Variants in FBXO21 observed in about 807,000 individuals in gnomAD.
FBXO21 encodes the protein F-box only protein 21.
FBXO21 carries 32 observed loss-of-function variants against 76.6 expected under a neutral mutation model. The ratio of observed to expected loss-of-function variants is 0.42; its 90% CI spans 0.32 to 0.56. The LOEUF (loss-of-function observed/expected upper bound fraction) is 0.56, where lower values mean the gene tolerates loss of function less well. Ranked by LOEUF, FBXO21 falls within the 20% of genes least tolerant of loss-of-function variation. The pLI, the probability that FBXO21 is intolerant of heterozygous loss-of-function variation, is 0.16. For synonymous variants in FBXO21, 328 were observed against 311.5 expected, an observed-to-expected ratio of 1.05 and a Z score of -0.56; for missense variants, 586 against 797.3, an observed-to-expected ratio of 0.73 and a Z score of 3.19.
intron 7 of FBXO21, among the ~76,000 whole-genome samples, chr12:117,170,681 C>T (rs1050474902): frequency 1.3e-5 from 2 of 152,118 alleles, no homozygotes; most frequent in Admixed American, 6.6e-5. Flanking sequence ...TTTCATTGTT[C>T]ATTTGCATTA....
At chr12:117,177,677 AAACTTTCAG>A (rs1255103599) in intron 3 of FBXO21, 36 bp from the exon 4 acceptor site, 7 of 1,598,906 alleles carry the variant, frequency 4.4e-6, no homozygotes, top group Non-Finnish European at 6.0e-6. Context: ...TAAGATTTGA[AAACTTTCAG>A]TTATCTATTT....
chr12:117,180,343 C>T (rs147485246), intron 3 of FBXO21, among the ~76,000 whole-genome samples: 250 of 152,318 alleles, frequency 1.6e-3, no homozygotes, highest in African/African-American at 5.8e-3. Flanking sequence ...TTGATGTGCA[C>T]GTGTGTGTAC....
At chr12:117,152,041 C>A (rs1020061368) in intron 11 of FBXO21, among the ~76,000 whole-genome samples, 1 of 151,814 alleles carries the variant, frequency 6.6e-6, no homozygotes, top group Non-Finnish European at 1.5e-5. Context: ...GTGGGAAGCA[C>A]GGGGCGAGGG....
chr12:117,176,757 C>G (rs1269836751), intron 4 of FBXO21, among the ~76,000 whole-genome samples: 1 of 151,754 alleles, frequency 6.6e-6, no homozygotes, highest in Non-Finnish European at 1.5e-5. Flanking sequence ...ATAGCAAGAC[C>G]CCGTCTCTAA....
chr12:117,181,548 T>C (rs1011584964), intron 3 of FBXO21, among the ~76,000 whole-genome samples: 1 of 152,194 alleles, frequency 6.6e-6, no homozygotes, highest in South Asian at 2.1e-4. Flanking sequence ...TTTATATCTA[T>C]CTATCTATCT....
chr12:117,146,337 C>A, intron 11 of FBXO21, 60 bp from the exon 12 acceptor site: 1 of 1,432,236 alleles, frequency 7.0e-7, no homozygotes, highest in South Asian at 1.3e-5. Flanking sequence ...CCACACCTTT[C>A]ATCCAGAGAA....
intron 7 of FBXO21, among the ~76,000 whole-genome samples, chr12:117,171,895 G>C (rs1956121716): frequency 1.3e-5 from 2 of 152,112 alleles, no homozygotes; most frequent in Admixed American, 1.3e-4. Flanking sequence ...AGAGCACTAG[G>C]TTTAAAAAAG....
At chr12:117,148,879 C>T (rs1565994179) in intron 11 of FBXO21, among the ~76,000 whole-genome samples, 2 of 152,222 alleles carry the variant, frequency 1.3e-5, no homozygotes, top group Admixed American at 1.3e-4. Flanking sequence ...CCGAAGGAAA[C>T]TGAGTCATCC....
intron 8 of FBXO21, 137 bp downstream of exon 8, chr12:117,166,761 C>G: frequency 1.5e-6 from 1 of 649,810 alleles, no homozygotes; most frequent in East Asian, 2.5e-5. Flanking sequence ...AAGAATGTTT[C>G]CAGTACTCGC....
chr12:117,151,340 G>A (rs1004510311), intron 11 of FBXO21, among the ~76,000 whole-genome samples: 16 of 103,188 alleles, frequency 1.6e-4, no homozygotes, highest in Non-Finnish European at 3.6e-4. Flanking sequence ...ATCCCATTAG[G>A]GTTTAGGTGA....
At position 117,190,223 on chromosome 12, in the gene FBXO21, C is replaced by T; in HGVS notation, c.234G>A (p.Arg78=). Residue 78 remains arginine (R), a synonymous_variant, in exon 1 of 12, where the codon CGG becomes CGA. Transcript: ENST00000622495. ...GCGCGGGGCCGCTGGCTCACCTCAC[C>T]CGGAACTGCTCCTTCCACACCTTCC... ...SSGKVWKEQF[R]VRWPSLMKHY... 1 of 1,500,804 alleles carries T rather than the reference C, an allele frequency of 6.7e-7. No homozygotes were observed. Among genetic ancestry groups the T allele is most frequent in the Non-Finnish European group, 8.8e-7 (1 of 1,131,382 alleles). The allele number at this position is 1,500,804 out of a possible 1,614,324, so 93.0% of individuals were successfully genotyped here.
intron 9 of FBXO21, among the ~76,000 whole-genome samples, chr12:117,161,377 G>A (rs796313895): frequency 6.6e-6 from 1 of 152,066 alleles, no homozygotes; most frequent in East Asian, 1.9e-4. Flanking sequence ...CAGGCAAGCA[G>A]GGCCAGACCG....
chr12:117,179,646 T>C (rs1449564367), intron 3 of FBXO21, among the ~76,000 whole-genome samples: 1 of 152,242 alleles, frequency 6.6e-6, no homozygotes, highest in Non-Finnish European at 1.5e-5. Context: ...GATAATTTCA[T>C]AGAAGGTAGT....
At chr12:117,185,590 G>A (rs999146262) in intron 3 of FBXO21, among the ~76,000 whole-genome samples, 5 of 152,158 alleles carry the variant, frequency 3.3e-5, no homozygotes, top group African/African-American at 1.2e-4. Flanking sequence ...GAAATTTTAA[G>A]CAATAACCAA....
intron 9 of FBXO21, among the ~76,000 whole-genome samples, chr12:117,161,079 G>A (rs1435536114): frequency 6.6e-6 from 1 of 152,126 alleles, no homozygotes; most frequent in Non-Finnish European, 1.5e-5. Context: ...ACAGATGACG[G>A]AGCAGCAGCT....
intron 11 of FBXO21, among the ~76,000 whole-genome samples, chr12:117,151,364 G>C (rs12322862): frequency 6.6e-6 from 1 of 151,952 alleles, no homozygotes; most frequent in Non-Finnish European, 1.5e-5. Flanking sequence ...AGTACACACC[G>C]GGGAAAGAAT....
intron 5 of FBXO21, 47 bp downstream of exon 5, chr12:117,174,604 C>T (rs1025494260): frequency 1.3e-6 from 2 of 1,590,196 alleles, no homozygotes; most frequent in African/African-American, 1.4e-5. Context: ...ACCAATTCCT[C>T]TAGATTTTCT....
chr12:117,182,755 G>T (rs185197628), intron 3 of FBXO21, among the ~76,000 whole-genome samples: 1 of 151,738 alleles, frequency 6.6e-6, no homozygotes, highest in Non-Finnish European at 1.5e-5. Flanking sequence ...TAGAGGCAGG[G>T]TTTTACCATG....
At chr12:117,157,295 G>A (rs188425556) in intron 10 of FBXO21, among the ~76,000 whole-genome samples, 2 of 152,200 alleles carry the variant, frequency 1.3e-5, no homozygotes, top group East Asian at 3.9e-4. Flanking sequence ...GAACCTTAAC[G>A]TGTTTAGTAA....
Sources: allele counts gnomAD v4.1 joint callset (sites outside exome capture counted in the v4.1 genomes callset), GRCh38; gene constraint gnomAD v4.1.1; transcripts MANE v1.5; gene names NCBI Gene and HGNC (gene_info 2026-07-23, HGNC 2026-07-21).